Variants in KCTD16 observed in about 807,000 individuals in gnomAD.
KCTD16 encodes the protein potassium channel tetramerization domain containing 16, also known as BTB/POZ domain-containing protein KCTD16.
In KCTD16, 13 loss-of-function variants were observed where a neutral mutation model predicts 33.2. The observed-to-expected ratio is 0.39, with a 90% CI of 0.25 to 0.62. The LOEUF (loss-of-function observed/expected upper bound fraction) is 0.62. Ranked by LOEUF, KCTD16 falls within the 20% of genes least tolerant of loss-of-function variation. The pLI is 0.50. For missense variants in KCTD16, 441 were observed against 525.1 expected, an observed-to-expected ratio of 0.84 and a Z score of 1.57; for synonymous variants, 197 against 195.3, an observed-to-expected ratio of 1.01 and a Z score of -0.07.
At chr5:144,242,777 G>C (rs1754440204) in intron 3 of KCTD16, among the ~76,000 whole-genome samples, 1 of 152,060 alleles carries the variant, frequency 6.6e-6, no homozygotes, top group Admixed American at 6.6e-5. Context: ...GGAGGCTCCA[G>C]GCTCTTTTTA....
intron 3 of KCTD16, among the ~76,000 whole-genome samples, chr5:144,437,834 G>C (rs1435267676): frequency 6.6e-6 from 1 of 152,172 alleles, no homozygotes; most frequent in Non-Finnish European, 1.5e-5. Flanking sequence ...CTAGCAATAG[G>C]ACTCAAGAGA....
At position 144,425,593 on chromosome 5, in the gene KCTD16, T is replaced by C. The variant is rs573503472; in HGVS notation, c.833-48067T>C. On this transcript the variant is annotated intron_variant, in intron 3 of 3. Coordinates refer to ENST00000512467, the MANE Select transcript of KCTD16 (RefSeq NM_020768.4). Reference sequence around the variant, plus strand: ...GTGGAGGTAGACATACCTCCACTACTCTTGCATTCTGTAAGACTGAAGAAT... The same window carrying C: ...GTGGAGGTAGACATACCTCCACTACCCTTGCATTCTGTAAGACTGAAGAAT... Among the ~76,000 whole-genome samples the C allele has an allele frequency of 2.6e-5, 4 of 152,090 alleles. No homozygotes were observed. The South Asian group carries it at 6.2e-4, about 24-fold the overall frequency.
chr5:144,373,193 T>G (rs1752007709), intron 3 of KCTD16, among the ~76,000 whole-genome samples: 1 of 152,060 alleles, frequency 6.6e-6, no homozygotes, highest in Non-Finnish European at 1.5e-5. Context: ...AAAGAGAGGA[T>G]GGAGGCTCAT....
At chr5:144,256,443 G>A (rs1228405544) in intron 3 of KCTD16, among the ~76,000 whole-genome samples, 3 of 152,144 alleles carry the variant, frequency 2.0e-5, no homozygotes, top group South Asian at 2.1e-4. Flanking sequence ...TCAAAACACC[G>A]GTTTAGTGTG....
At chr5:144,300,261 CTT>C (rs1405980153) in intron 3 of KCTD16, among the ~76,000 whole-genome samples, 1 of 152,192 alleles carries the variant, frequency 6.6e-6, no homozygotes, top group Non-Finnish European at 1.5e-5. Context: ...GCCAGTTACT[CTT>C]TTGCAAAAAT....
intron 3 of KCTD16, among the ~76,000 whole-genome samples, chr5:144,335,775 G>T (rs1053234730): frequency 3.3e-5 from 5 of 152,194 alleles, no homozygotes; most frequent in African/African-American, 1.2e-4. Flanking sequence ...GAGAGGAACA[G>T]TCCATGGCAG....
intron 3 of KCTD16, among the ~76,000 whole-genome samples, chr5:144,238,787 A>T (rs113853130): frequency 6.6e-6 from 1 of 152,190 alleles, no homozygotes; most frequent in Non-Finnish European, 1.5e-5. Context: ...CACATCCTTC[A>T]GCATCATTTT....
At chr5:144,390,194 A>C (rs1305416352) in intron 3 of KCTD16, among the ~76,000 whole-genome samples, 2 of 152,218 alleles carry the variant, frequency 1.3e-5, no homozygotes, top group Non-Finnish European at 2.9e-5. Context: ...TATATGTGAT[A>C]ATTTATCATG....
chr5:144,351,973 A>G (rs573666278), intron 3 of KCTD16, among the ~76,000 whole-genome samples: 1 of 152,320 alleles, frequency 6.6e-6, no homozygotes, highest in South Asian at 2.1e-4. Flanking sequence ...CATCAGGGTT[A>G]CTTCTGTTAA....
chr5:144,401,560 C>G (rs576684585), intron 3 of KCTD16, among the ~76,000 whole-genome samples: 1 of 152,260 alleles, frequency 6.6e-6, no homozygotes, highest in African/African-American at 2.4e-5. Flanking sequence ...TTGAGTCCAC[C>G]AACAGCATTG....
At chr5:144,472,939 G>T (rs549039712) in intron 3 of KCTD16, among the ~76,000 whole-genome samples, 3 of 152,190 alleles carry the variant, frequency 2.0e-5, no homozygotes, top group South Asian at 4.1e-4. Context: ...TGCAAGATCT[G>T]TATTCAAATC....
chr5:144,325,881 T>C (rs1270165898), intron 3 of KCTD16, among the ~76,000 whole-genome samples: 3 of 152,112 alleles, frequency 2.0e-5, no homozygotes, highest in African/African-American at 4.8e-5. Context: ...TGGTACAGAG[T>C]AGGCATTTAA....
intron 3 of KCTD16, among the ~76,000 whole-genome samples, chr5:144,457,924 C>A (rs991493182): frequency 6.6e-6 from 1 of 152,298 alleles, no homozygotes; most frequent in African/African-American, 2.4e-5. Flanking sequence ...ATTGGTGTAA[C>A]AAGGCCACAT....
At chr5:144,452,330 A>T (rs901257681) in intron 3 of KCTD16, among the ~76,000 whole-genome samples, 4 of 152,002 alleles carry the variant, frequency 2.6e-5, no homozygotes, top group Non-Finnish European at 4.4e-5. Context: ...GAATTAAGGA[A>T]GAAAATGAAA....
chr5:144,415,101 C>G (rs536826857), intron 3 of KCTD16, among the ~76,000 whole-genome samples: 60 of 152,252 alleles, frequency 3.9e-4, no homozygotes, highest in African/African-American at 1.4e-3. Context: ...TGATGAGGGC[C>G]TTCTTGCTGT....
At chr5:144,332,561 A>C (rs1481814182) in intron 3 of KCTD16, among the ~76,000 whole-genome samples, 1 of 152,204 alleles carries the variant, frequency 6.6e-6, no homozygotes, top group Non-Finnish European at 1.5e-5. Context: ...AAATAGAAGG[A>C]TTAATTTAAA....
At chr5:144,435,805 GT>G (rs1753562664) in intron 3 of KCTD16, among the ~76,000 whole-genome samples, 1 of 151,544 alleles carries the variant, frequency 6.6e-6, no homozygotes, top group South Asian at 2.1e-4. Context: ...TGTGCTTTGT[GT>G]GTGTGTGTGC....
At chr5:144,360,665 C>T (rs920407752) in intron 3 of KCTD16, among the ~76,000 whole-genome samples, 3 of 152,110 alleles carry the variant, frequency 2.0e-5, no homozygotes, top group Non-Finnish European at 2.9e-5. Flanking sequence ...CTCCTGAGCT[C>T]GTGATCCACC....
chr5:144,313,301 C>T (rs1751813451), intron 3 of KCTD16, among the ~76,000 whole-genome samples: 1 of 152,138 alleles, frequency 6.6e-6, no homozygotes, highest in Non-Finnish European at 1.5e-5. Flanking sequence ...TCCTGCTAGA[C>T]ATAACCAGCC....
Sources: allele counts gnomAD v4.1 joint callset (sites outside exome capture counted in the v4.1 genomes callset), GRCh38; gene constraint gnomAD v4.1.1; transcripts MANE v1.5; gene names NCBI Gene and HGNC (gene_info 2026-07-23, HGNC 2026-07-21).